DCN: variants seen among roughly 807,000 people sequenced by gnomAD.
DCN encodes the protein bone proteoglycan II.
A neutral mutation model predicts 36.5 loss-of-function variants in DCN; 17 were observed. The observed-to-expected ratio is 0.47, with a 90% CI of 0.32 to 0.70. DCN has a LOEUF of 0.70. Among genes scored for constraint, DCN ranks in the 30% least tolerant of loss-of-function variants. DCN has a pLI of 0.04. For synonymous variants in DCN, 163 were observed against 161.4 expected, an observed-to-expected ratio of 1.01 and a Z score of -0.07; for missense variants, 389 against 430.1, an observed-to-expected ratio of 0.90 and a Z score of 0.84.
intron 1 of DCN, among the ~76,000 whole-genome samples, chr12:91,181,938 G>A (rs1868418709): frequency 6.6e-6 from 1 of 151,294 alleles, no homozygotes; most frequent in African/African-American, 2.4e-5. Context: ...ATCACTGGGA[G>A]CCCACTTAAT....
intron 1 of DCN, among the ~76,000 whole-genome samples, chr12:91,178,886 T>A (rs767074015): frequency 6.6e-6 from 1 of 152,148 alleles, no homozygotes; most frequent in African/African-American, 2.4e-5. Flanking sequence ...ATTGTCATGG[T>A]AATAAATCAT....
rs1385428765 is a variant in DCN at position 91,164,650 on chromosome 12, T to C, written c.279A>G (p.Ile93Met). 1 of 1,613,242 alleles carries C rather than the reference T, an allele frequency of 6.2e-7. No homozygotes were observed. Among genetic ancestry groups the C allele is most frequent in the South Asian group, 1.1e-5 (1 of 91,074 alleles). ...TAAAGTCTCCATCTTTGATTTCGGTTATTTTGTTGTTTTGCAGGTCTAGCA... is the reference window on the plus strand; with the variant it reads ...TAAAGTCTCCATCTTTGATTTCGGTCATTTTGTTGTTTTGCAGGTCTAGCA... ...TTLLDLQNNK[I>M]TEIKDGDFKN... The change falls in exon 3 of 8, where the codon ATA (isoleucine) becomes ATG (methionine). Residue 93 changes from isoleucine to methionine, a missense_variant. Transcript: ENST00000052754.
Position 91,153,170 on chromosome 12 carries a change from C to T in DCN, c.672G>A (p.Thr224=), listed in dbSNP as rs140210399. Residue 224 remains threonine, a synonymous_variant, in exon 6 of 8, where the codon ACG becomes ACA. Coordinates refer to ENST00000052754, the MANE Select transcript of DCN (RefSeq NM_001920.5). ...TTTTGTTGCCATCAAGATGTAATTC[C>T]GTAAGGGAAGGAGGAAGACCTGGAA... ...SIPQGLPPSL[T]ELHLDGNKIS... 11 of 1,601,440 alleles carry T rather than the reference C, an allele frequency of 6.9e-6. No homozygotes were observed. The highest frequency in any genetic ancestry group is 2.2e-5 in the East Asian group (1 of 44,776).
At chr12:91,163,099 A>G (rs191735415) in intron 3 of DCN, among the ~76,000 whole-genome samples, 3 of 152,170 alleles carry the variant, frequency 2.0e-5, no homozygotes, top group African/African-American at 7.2e-5. Context: ...TTTATATTTA[A>G]TGTGCACTCA....
At chr12:91,162,181 C>T (rs1882200986) in intron 3 of DCN, among the ~76,000 whole-genome samples, 1 of 152,018 alleles carries the variant, frequency 6.6e-6, no homozygotes, top group Non-Finnish European at 1.5e-5. Context: ...CCTTGTGATC[C>T]ACCCGCCTTG....
chr12:91,151,658 A>G lies in DCN; in HGVS notation c.881T>C (p.Ile294Thr). ...VPGGLAEHKY[I>T]QVVYLHNNNI... The stretch of plus-strand genomic sequence containing the variant: ...TAAGCAGTGGCTTTGCATTACCTGG[A>G]TGTACTTATGCTCTGCCAGCCCACC... The change falls in exon 7 of 8, where the codon ATC becomes ACC. Residue 294 changes from isoleucine (I) to threonine (T), a missense_variant. Ile to Thr is a moderately conservative substitution (Grantham distance 89, BLOSUM62 -1). Coordinates refer to ENST00000052754, the MANE Select transcript of DCN (RefSeq NM_001920.5). The G allele has an allele frequency of 6.2e-7, 1 of 1,613,832 alleles. No individual in the cohort carries two copies. The highest frequency in any genetic ancestry group is 2.2e-5 in the East Asian group (1 of 44,870).
chr12:91,164,462 TA>T (rs36087078), intron 3 of DCN, 142 bp downstream of exon 3: 43,389 of 313,654 alleles, frequency 0.14, 258 homozygotes, highest in East Asian at 0.17. Context: ...AAAAAAAAAG[TA>T]AAAAAAAAAA....
At chr12:91,179,955 C>T (rs1295990477) in intron 1 of DCN, among the ~76,000 whole-genome samples, 1 of 151,990 alleles carries the variant, frequency 6.6e-6, no homozygotes, top group Non-Finnish European at 1.5e-5. Context: ...CATATTTATC[C>T]ATTCATTCCA....
At chr12:91,170,250 T>G (rs149924740) in intron 2 of DCN, among the ~76,000 whole-genome samples, 50 of 152,208 alleles carry the variant, frequency 3.3e-4, no homozygotes, top group African/African-American at 7.2e-4. Flanking sequence ...ATAAGCAAAA[T>G]AGAGGGTGTT....
chr12:91,171,660 A>G (rs543710682), intron 2 of DCN, among the ~76,000 whole-genome samples: 1 of 152,336 alleles, frequency 6.6e-6, no homozygotes, highest in South Asian at 2.1e-4. Context: ...TCCAGAGGAT[A>G]CAACAGCCAA....
Position 91,142,240 on chromosome 12 carries a change from G to T in DCN, c.*3818C>A, listed in dbSNP as rs1880776586. ...CTCAGCAACCTCGAATGTCTGTGCT[G>T]CAGGAGAGTCTGAAGGACAGTGAAG... is the stretch of plus-strand genomic sequence containing the variant. On this transcript the variant is annotated 3_prime_UTR_variant, in exon 8 of 8. Coordinates refer to ENST00000052754, the MANE Select transcript of DCN (RefSeq NM_001920.5). 1 of 152,182 alleles carries T rather than the reference G, an allele frequency of 6.6e-6. No individual in the cohort carries two copies. Among genetic ancestry groups the T allele is most frequent in the Non-Finnish European group, 1.5e-5 (1 of 68,030 alleles). The allele number at this position is 152,182 out of a possible 1,614,324, so 9.4% of individuals were successfully genotyped here. A position where few individuals can be genotyped will look rare whatever the true frequency, so the allele number is the denominator to read the frequency against.
chr12:91,168,815 C>T (rs1417763463), intron 2 of DCN, among the ~76,000 whole-genome samples: 1 of 152,166 alleles, frequency 6.6e-6, no homozygotes, highest in East Asian at 1.9e-4. Flanking sequence ...ATTGCTCTTA[C>T]TTTCTTCAGT....
intron 7 of DCN, among the ~76,000 whole-genome samples, chr12:91,150,006 CA>C (rs1881301749): frequency 1.3e-5 from 2 of 152,006 alleles, no homozygotes; most frequent in Non-Finnish European, 2.9e-5. Flanking sequence ...AGATTCAAAA[CA>C]ATACCTTTCA....
chr12:91,142,625 A>G lies in DCN; in HGVS notation c.*3433T>C, dbSNP rs1300862932. On this transcript the variant is annotated 3_prime_UTR_variant, in exon 8 of 8. Coordinates refer to ENST00000052754, the MANE Select transcript of DCN (RefSeq NM_001920.5). Reference sequence around the variant, plus strand: ...GCCAGATCAAAGTCTTTGAAGAAAAATGCTTTAAAAGATCATGAATACTGT... The same window carrying G: ...GCCAGATCAAAGTCTTTGAAGAAAAGTGCTTTAAAAGATCATGAATACTGT... The G allele has an allele frequency of 1.3e-5, 2 of 152,188 alleles. No individual in the cohort carries two copies. The highest frequency in any genetic ancestry group is 6.5e-5 in the Admixed American group (1 of 15,274). 9.4% of individuals were successfully genotyped at this position (152,188 alleles called of 1,614,324 possible). A position where few individuals can be genotyped will look rare whatever the true frequency, so the allele number is the denominator to read the frequency against.
intron 2 of DCN, among the ~76,000 whole-genome samples, chr12:91,177,936 G>C (rs1883395142): frequency 6.6e-6 from 1 of 152,144 alleles, no homozygotes. Context: ...GAATAGTAGA[G>C]AGACTGACCT....
At chr12:91,152,932 T>C (rs978994449) in intron 6 of DCN, among the ~76,000 whole-genome samples, 164 bp downstream of exon 6, 3 of 152,136 alleles carry the variant, frequency 2.0e-5, no homozygotes, top group Admixed American at 6.5e-5. Context: ...TGGCTTCTTC[T>C]CAAGAAATAA....
At chr12:91,176,239 C>A (rs1295006623) in intron 2 of DCN, 1 of 152,026 alleles carries the variant, frequency 6.6e-6, no homozygotes, top group Non-Finnish European at 1.5e-5. Flanking sequence ...GACCACTGCT[C>A]ATTGGAACTT....
At chr12:91,155,640 A>G (rs1388868187) in intron 5 of DCN, among the ~76,000 whole-genome samples, 1 of 152,048 alleles carries the variant, frequency 6.6e-6, no homozygotes, top group Non-Finnish European at 1.5e-5. Context: ...CTATCTATCT[A>G]TCTATCTATC....
intron 3 of DCN, among the ~76,000 whole-genome samples, chr12:91,162,234 C>T (rs917254059): frequency 6.6e-6 from 1 of 152,022 alleles, no homozygotes; most frequent in South Asian, 2.1e-4. Flanking sequence ...CCACTGCACC[C>T]GGCCTTTCTG....
Sources: allele counts gnomAD v4.1 joint callset (sites outside exome capture counted in the v4.1 genomes callset), GRCh38; gene constraint gnomAD v4.1.1; transcripts MANE v1.5; gene names NCBI Gene and HGNC (gene_info 2026-07-23, HGNC 2026-07-21).